Variants in ZNF99 observed in about 807,000 individuals in gnomAD.
ZNF99 encodes zinc finger protein 99.
In ZNF99, 8 loss-of-function variants were observed where a neutral mutation model predicts 12.8. That is an observed-to-expected ratio of 0.62 (90% CI 0.37 to 1.13). The LOEUF is 1.13. ZNF99 is among the 50% of genes most tolerant of loss of function. The probability of loss-of-function intolerance (pLI) is 0.02; values close to 1 mark genes in which losing one functional copy is unlikely to be tolerated. For synonymous variants in ZNF99, 318 were observed against 319.0 expected, an observed-to-expected ratio of 1.00 and a Z score of 0.03; for missense variants, 1,007 against 1,006.2, an observed-to-expected ratio of 1.00 and a Z score of -0.01.
chr19:22,753,242 T>C lies in ZNF99; in HGVS notation c.*4072A>G, dbSNP rs938573198. On this transcript the variant is annotated 3_prime_UTR_variant, in exon 4 of 4. Transcript: ENST00000596209. ...AATTATAATTCTCCAAAAAATCACC[T>C]CCTCTTTTTTAAGTTATATGCAAAT... 3 of 150,050 alleles carry C rather than the reference T, an allele frequency of 2.0e-5. No individual in the cohort carries two copies. Among genetic ancestry groups the C allele is most frequent in the Non-Finnish European group, 4.4e-5 (3 of 67,866 alleles). 9.3% of individuals were successfully genotyped at this position (150,050 alleles called of 1,614,324 possible). A position where few individuals can be genotyped will look rare whatever the true frequency, so the allele number is the denominator to read the frequency against.
chr19:22,774,743 G>T (rs529769804), intron 1 of ZNF99, among the ~76,000 whole-genome samples: 1 of 152,098 alleles, frequency 6.6e-6, no homozygotes, highest in Non-Finnish European at 1.5e-5. Context: ...GGTGGTGGGC[G>T]CCTGTAATCT....
At chr19:22,775,041 A>T (rs772144007) in intron 1 of ZNF99, among the ~76,000 whole-genome samples, 16 of 152,242 alleles carry the variant, frequency 1.1e-4, no homozygotes, top group Non-Finnish European at 2.1e-4. Context: ...AAACATTTTT[A>T]ACAGAACTAT....
At chr19:22,783,474 G>C (rs1160514602) in intron 1 of ZNF99, among the ~76,000 whole-genome samples, 1 of 152,086 alleles carries the variant, frequency 6.6e-6, no homozygotes, top group African/African-American at 2.4e-5. Context: ...ACTGAATTTG[G>C]TTTTCTTCAT....
At chr19:22,772,563 G>C (rs1415839588) in intron 1 of ZNF99, among the ~76,000 whole-genome samples, 1 of 151,932 alleles carries the variant, frequency 6.6e-6, no homozygotes, top group Non-Finnish European at 1.5e-5. Flanking sequence ...TGTAATCCCA[G>C]CTATTCGGGA....
At chr19:22,774,591 C>T (rs1218627290) in intron 1 of ZNF99, among the ~76,000 whole-genome samples, 3 of 152,142 alleles carry the variant, frequency 2.0e-5, no homozygotes, top group Non-Finnish European at 2.9e-5. Flanking sequence ...ATTAACAGGC[C>T]AGGCACAGTG....
At chr19:22,772,863 T>G (rs548795454) in intron 1 of ZNF99, among the ~76,000 whole-genome samples, 2 of 152,254 alleles carry the variant, frequency 1.3e-5, no homozygotes, top group Non-Finnish European at 2.9e-5. Context: ...TAGCAGCAGG[T>G]GTTCCCTGCA....
rs768039761 is a variant in ZNF99, at chr19:22,752,194, T to C, written c.*5120A>G. 3.3e-5 allele frequency: 5 copies of C among 151,468 alleles called. No individual in the cohort carries two copies. The highest frequency in any genetic ancestry group is 5.9e-5 in the Non-Finnish European group (4 of 67,980). The allele number at this position is 151,468 out of a possible 1,614,324, so 9.4% of individuals were successfully genotyped here. A position where few individuals can be genotyped will look rare whatever the true frequency, so the allele number is the denominator to read the frequency against. Reference sequence around the variant, plus strand: ...TATTTACTCAGGACCCAGATATGTATAGATTTTATTTACATTCCTATATGA... The same window carrying C: ...TATTTACTCAGGACCCAGATATGTACAGATTTTATTTACATTCCTATATGA... On this transcript the variant is annotated 3_prime_UTR_variant, in exon 4 of 4. Coordinates refer to ENST00000596209, the MANE Select transcript of ZNF99 (RefSeq NM_001080409.3).
intron 1 of ZNF99, among the ~76,000 whole-genome samples, chr19:22,779,250 G>T (rs532880704): frequency 8.6e-5 from 13 of 151,854 alleles, no homozygotes; most frequent in African/African-American, 2.9e-4. Context: ...ATCGGGCCGG[G>T]CGCGGTAGCT....
At chr19:22,769,747 C>T (rs1973245239) in intron 1 of ZNF99, among the ~76,000 whole-genome samples, 1 of 146,486 alleles carries the variant, frequency 6.8e-6, no homozygotes, top group African/African-American at 2.5e-5. Context: ...GGCGACAGAG[C>T]TAGACTCTGT....
chr19:22,752,487 G>C lies in ZNF99; in HGVS notation c.*4827C>G, dbSNP rs557125482. 2 of 149,840 alleles carry C rather than the reference G, an allele frequency of 1.3e-5. No homozygotes were observed. Among genetic ancestry groups the C allele is most frequent in the African/African-American group, 4.9e-5 (2 of 40,912 alleles). The allele number at this position is 149,840 out of a possible 1,614,324, so 9.3% of individuals were successfully genotyped here. A position where few individuals can be genotyped will look rare whatever the true frequency, so the allele number is the denominator to read the frequency against. ...AAATTTGTCAAGGCAAAAAAAAAAA[G>C]AAGTTTAAATAAGATTAAAAGTATA... On this transcript the variant is annotated 3_prime_UTR_variant, in exon 4 of 4. Coordinates refer to ENST00000596209, the MANE Select transcript of ZNF99 (RefSeq NM_001080409.3).
chr19:22,772,107 G>A (rs944802676), intron 1 of ZNF99, among the ~76,000 whole-genome samples: 6 of 151,942 alleles, frequency 3.9e-5, no homozygotes, highest in Non-Finnish European at 5.9e-5. Flanking sequence ...CAAGCTTGAG[G>A]ACTGTAACCT....
rs369332170 is a variant in ZNF99, at chr19:22,758,886, G to C, written c.1023C>G (p.Tyr341Ter). ...HQIIHTGKKP[Y>*]KCEECGKAFS... The stretch of plus-strand genomic sequence containing the variant: ...AAGCTTTGCCACATTCTTCACATTT[G>C]TAGGGTTTCTTTCCAGTATGAATTA... The change falls in exon 4 of 4, where the codon TAC (tyrosine) becomes TAG (stop). Residue 341 changes from tyrosine to a stop codon, truncating the protein, a stop_gained. Coordinates refer to ENST00000596209, the MANE Select transcript of ZNF99 (RefSeq NM_001080409.3). LOFTEE classifies it low-confidence loss of function (END_TRUNC). 1 of 1,613,674 alleles carries C rather than the reference G, an allele frequency of 6.2e-7. No individual in the cohort carries two copies. Among genetic ancestry groups the C allele is most frequent in the Admixed American group, 1.7e-5 (1 of 60,008 alleles).
At position 22,765,330 on chromosome 19, in the gene ZNF99, G is replaced by C. The variant is rs182431103; in HGVS notation, c.226+2975C>G. ...TGACACAGTGGACTTTGGGGACTTG[G>C]GGGGAAGAGTGGGAGGAAAACGAGG... is the stretch of plus-strand genomic sequence containing the variant. On this transcript the variant is annotated intron_variant, in intron 3 of 3. Coordinates refer to ENST00000596209, the MANE Select transcript of ZNF99 (RefSeq NM_001080409.3). Among the ~76,000 whole-genome samples, 690 of 152,158 alleles carry C rather than the reference G, an allele frequency of 4.5e-3. 8 individuals carry two copies. Among genetic ancestry groups the C allele is most frequent in the African/African-American group, 0.015 (631 of 41,518 alleles).
chr19:22,757,229 A>G lies in ZNF99; in HGVS notation c.*85T>C. ...TTTGTATGGTTTCTTCCCAGTATAA[A>G]TTATCTTATGTTTCCTAAGGGTTGA... On this transcript the variant is annotated 3_prime_UTR_variant, in exon 4 of 4. Coordinates refer to ENST00000596209, the MANE Select transcript of ZNF99 (RefSeq NM_001080409.3). The G allele has an allele frequency of 1.3e-6, 2 of 1,587,922 alleles. No individual in the cohort carries two copies. Among genetic ancestry groups the G allele is most frequent in the Non-Finnish European group, 8.6e-7 (1 of 1,162,532 alleles).
chr19:22,764,293 C>A (rs1215649312), intron 3 of ZNF99, among the ~76,000 whole-genome samples: 2 of 152,028 alleles, frequency 1.3e-5, no homozygotes, highest in Non-Finnish European at 2.9e-5. Flanking sequence ...TTACTTTATA[C>A]AAAAATCAAC....
chr19:22,781,227 A>G (rs1446991675), intron 1 of ZNF99, among the ~76,000 whole-genome samples: 6 of 152,084 alleles, frequency 3.9e-5, no homozygotes, highest in Non-Finnish European at 8.8e-5. Context: ...TTTTCAAGGT[A>G]CAGATGTGTC....
Position 22,752,475 on chromosome 19 carries a change from C to T in ZNF99, c.*4839G>A, listed in dbSNP as rs571561048. 12 of 126,134 alleles carry T rather than the reference C, an allele frequency of 9.5e-5. No homozygotes were observed. In the East Asian group the frequency reaches 2.7e-3, roughly 28 times the overall value. 7.8% of individuals were successfully genotyped at this position (126,134 alleles called of 1,614,324 possible). A position where few individuals can be genotyped will look rare whatever the true frequency, so the allele number is the denominator to read the frequency against. On this transcript the variant is annotated 3_prime_UTR_variant, in exon 4 of 4. Coordinates refer to ENST00000596209, the MANE Select transcript of ZNF99 (RefSeq NM_001080409.3). ...AAAAATAAGTTTAAATTTGTCAAGG[C>T]AAAAAAAAAAAGAAGTTTAAATAAG...
intron 1 of ZNF99, among the ~76,000 whole-genome samples, chr19:22,776,481 A>G (rs1414453216): frequency 6.5e-5 from 9 of 139,216 alleles, no homozygotes; most frequent in South Asian, 2.3e-4. Flanking sequence ...CAAGCCTATG[A>G]AAAAAATACT....
intron 1 of ZNF99, among the ~76,000 whole-genome samples, chr19:22,773,105 T>C (rs968134861): frequency 1.8e-4 from 28 of 152,194 alleles, no homozygotes; most frequent in African/African-American, 6.0e-4. Flanking sequence ...TGTGGAGGAC[T>C]ATAGATACCA....
Sources: gnomAD v4.1 joint callset for allele counts (sites outside exome capture counted in the v4.1 genomes callset) on GRCh38, gnomAD v4.1.1 for gene constraint, MANE v1.5 for transcripts, NCBI Gene and HGNC (gene_info 2026-07-23, HGNC 2026-07-21) for gene names.